Variants in C2CD2 observed in about 807,000 individuals in gnomAD.
C2CD2 encodes C2 domain-containing protein 2.
C2CD2 carries 43 observed loss-of-function variants against 74.3 expected under a neutral mutation model. The observed-to-expected ratio is 0.58, with a 90% CI of 0.45 to 0.75. C2CD2 has a LOEUF of 0.75. Ranked by LOEUF, C2CD2 falls within the 30% of genes least tolerant of loss-of-function variation. The probability of loss-of-function intolerance (pLI) is 0.00; values close to 1 mark genes in which losing one functional copy is unlikely to be tolerated. For synonymous variants in C2CD2, 422 were observed against 390.7 expected (o/e 1.08, Z -0.94); for missense variants, 801 against 916.3 (o/e 0.87, Z 1.63).
At chr21:41,893,740 C>T (rs1256369357) in intron 13 of C2CD2, among the ~76,000 whole-genome samples, 2 of 135,294 alleles carry the variant, frequency 1.5e-5, no homozygotes, top group African/African-American at 2.8e-5. Context: ...CTCGCTCTGT[C>T]GCCCAGGCTG....
At chr21:41,937,158 C>T (rs1330587367) in intron 2 of C2CD2, among the ~76,000 whole-genome samples, 2 of 149,738 alleles carry the variant, frequency 1.3e-5, no homozygotes, top group Non-Finnish European at 3.0e-5. Context: ...CACTCTGTTA[C>T]CCAGGCTAGA....
Position 41,922,094 on chromosome 21 carries a change from G to A in C2CD2, c.379-9C>T. The A allele has an allele frequency of 6.4e-7, 1 of 1,558,486 alleles. No individual in the cohort carries two copies. Among genetic ancestry groups the A allele is most frequent in the Non-Finnish European group, 8.9e-7 (1 of 1,129,274 alleles). On this transcript the variant is annotated splice_polypyrimidine_tract_variant and intron_variant, in intron 2 of 13. Transcript: ENST00000380486. ...ACGTGACAGACCACCACCTGGAGGA[G>A]GCACAGGTAAGGGAGAAAACTGTAT...
intron 8 of C2CD2, chr21:41,908,530 C>A (rs1390177876): frequency 6.6e-6 from 1 of 152,032 alleles, no homozygotes; most frequent in African/African-American, 2.4e-5. Flanking sequence ...TGTGCAGGTC[C>A]CCGACCTGCG....
chr21:41,912,353 A>C lies in C2CD2; in HGVS notation c.932T>G (p.Met311Arg). The change falls in exon 7 of 14, where the codon ATG becomes AGG. Residue 311 changes from methionine to arginine, a missense_variant. Met to Arg is a moderately conservative substitution (Grantham distance 91). Transcript: ENST00000380486. ...TCACAAGGTGAATTCCTCTTCCCAC[A>C]TGAGGTCCGGAGTGTTTTTCGTCAG... ...STLTKNTPDL[M>R]WEEEFTFELN... The C allele has an allele frequency of 6.2e-7, 1 of 1,611,346 alleles. No individual in the cohort carries two copies. Among genetic ancestry groups the C allele is most frequent in the Non-Finnish European group, 8.5e-7 (1 of 1,178,892 alleles).
In C2CD2 at chr21:41,888,309, T is replaced by G. The variant is rs1381416018; in HGVS notation, c.*815A>C. ...ATCTGACAGGCCCGCTGTGCTCTTG[T>G]TTAGCAAGTATGACAGGCAGGAAAA... On this transcript the variant is annotated 3_prime_UTR_variant, in exon 14 of 14. Coordinates refer to ENST00000380486, the MANE Select transcript of C2CD2 (RefSeq NM_015500.2). 1 of 152,610 alleles carries G rather than the reference T, an allele frequency of 6.6e-6. No individual in the cohort carries two copies. Among genetic ancestry groups the G allele is most frequent in the Non-Finnish European group, 1.5e-5 (1 of 68,024 alleles). 9.5% of individuals were successfully genotyped at this position (152,610 alleles called of 1,614,324 possible). A position where few individuals can be genotyped will look rare whatever the true frequency, so the allele number is the denominator to read the frequency against.
rs1226387008 is a variant in C2CD2 at position 41,914,579 on chromosome 21, G to A, written c.844+19C>T. On this transcript the variant is annotated intron_variant, in intron 6 of 13. Transcript: ENST00000380486. ...CTGGAAGAGCCCCTCCAGGCAGGCA[G>A]GCTCCCATCGTCACCCACCTGAGGC... The A allele has an allele frequency of 1.9e-6, 3 of 1,611,106 alleles. No homozygotes were observed. The African/African-American group carries it at 4.0e-5, about 22-fold the overall frequency.
Position 41,953,660 on chromosome 21 carries a change from G to A in C2CD2, c.-12C>T. ...CGGGCCATGGCCATGGCGCATCCCC[G>A]GCCCGCCTCGCCCCAACTTCCCCGG... On this transcript the variant is annotated 5_prime_UTR_variant, in exon 1 of 14. Coordinates refer to ENST00000380486, the MANE Select transcript of C2CD2 (RefSeq NM_015500.2). 1.4e-6 allele frequency: 2 copies of A among 1,405,482 alleles called. No individual in the cohort carries two copies. The highest frequency in any genetic ancestry group is 1.5e-5 in the South Asian group (1 of 67,026). 87.1% of individuals were successfully genotyped at this position (1,405,482 alleles called of 1,614,324 possible). A position where few individuals can be genotyped will look rare whatever the true frequency, so the allele number is the denominator to read the frequency against.
rs867960158 is a variant in C2CD2 at position 41,939,083 on chromosome 21, C to T, written c.378+3064G>A. 1.3e-5 allele frequency among the ~76,000 whole-genome samples: 2 copies of T among 152,122 alleles called. No individual in the cohort carries two copies. The highest frequency in any genetic ancestry group is 4.8e-5 in the African/African-American group (2 of 41,434). ...TCTATGGCTGAATTCTATTCCACCG[C>T]GTGGACGAGCCACAGTTTATTGATC... is the stretch of plus-strand genomic sequence containing the variant. On this transcript the variant is annotated intron_variant, in intron 2 of 13. Coordinates refer to ENST00000380486, the MANE Select transcript of C2CD2 (RefSeq NM_015500.2). The surrounding 1 kb of genome is among the most constrained non-coding windows in gnomAD (Gnocchi z 5.5).
In C2CD2 at chr21:41,919,018, G is replaced by A. The variant is rs139301269; in HGVS notation, c.493-58C>T. 91 of 1,229,920 alleles carry A rather than the reference G, an allele frequency of 7.4e-5. 1 individual carries two copies. In the South Asian group the frequency reaches 9.0e-4, roughly 12 times the overall value. The allele number at this position is 1,229,920 out of a possible 1,614,324, so 76.2% of individuals were successfully genotyped here. A position where few individuals can be genotyped will look rare whatever the true frequency, so the allele number is the denominator to read the frequency against. ...TTTCCACCAAAGCCTTAATGTGCACGTGCGTGTGCATGTGACTGTGTGAGC... is the reference window on the plus strand; with the variant it reads ...TTTCCACCAAAGCCTTAATGTGCACATGCGTGTGCATGTGACTGTGTGAGC... On this transcript the variant is annotated intron_variant, in intron 3 of 13. Transcript: ENST00000380486.
At chr21:41,938,965 A>G (rs1328451777) in intron 2 of C2CD2, among the ~76,000 whole-genome samples, 1 of 152,032 alleles carries the variant, frequency 6.6e-6, no homozygotes, top group African/African-American at 2.4e-5. Flanking sequence ...GCTGGTCTCG[A>G]ACTCCTGACC....
At chr21:41,933,749 C>G (rs552035006) in intron 2 of C2CD2, among the ~76,000 whole-genome samples, 17 of 152,342 alleles carry the variant, frequency 1.1e-4, no homozygotes, top group Non-Finnish European at 2.4e-4. Context: ...CCAGGCTCCT[C>G]CTCCCGCACT....
chr21:41,942,603 T>A (rs922963337), intron 1 of C2CD2, among the ~76,000 whole-genome samples: 3 of 152,168 alleles, frequency 2.0e-5, no homozygotes, highest in Admixed American at 6.5e-5. Context: ...TTCGTGCAAA[T>A]CAGAGGATCT....
intron 5 of C2CD2, among the ~76,000 whole-genome samples, chr21:41,917,171 C>T (rs1395009734): frequency 1.3e-5 from 2 of 152,170 alleles, no homozygotes; most frequent in Non-Finnish European, 2.9e-5. Flanking sequence ...CTTGTGACCC[C>T]CATAGCCAGG....
At position 41,939,394 on chromosome 21, in the gene C2CD2, T is replaced by C. The variant is rs1226565005; in HGVS notation, c.378+2753A>G. On this transcript the variant is annotated intron_variant, in intron 2 of 13. Coordinates refer to ENST00000380486, the MANE Select transcript of C2CD2 (RefSeq NM_015500.2). The surrounding 1 kb of genome is among the most constrained non-coding windows in gnomAD (Gnocchi z 5.5). ...TCCCTGTCCAGACCAGCCCTGAACA[T>C]TCCACTCCTCTCTGAACTGGGAAAG... Among the ~76,000 whole-genome samples, 3 of 152,144 alleles carry C rather than the reference T, an allele frequency of 2.0e-5. No homozygotes were observed. Among genetic ancestry groups the C allele is most frequent in the Non-Finnish European group, 4.4e-5 (3 of 68,018 alleles).
chr21:41,894,122 T>C (rs957863524), intron 13 of C2CD2, among the ~76,000 whole-genome samples: 2 of 152,198 alleles, frequency 1.3e-5, no homozygotes, highest in South Asian at 4.1e-4. Context: ...ACCTGATAAT[T>C]TGTCACAGCT....
rs890590680 is a variant in C2CD2, at chr21:41,924,152, A to G, written c.379-2067T>C. ...ACCAAATGGAAAGATTATCAAAATA[A>G]TTACTCAGTCAGGGCCTGCTATTCC... On this transcript the variant is annotated intron_variant, in intron 2 of 13. Coordinates refer to ENST00000380486, the MANE Select transcript of C2CD2 (RefSeq NM_015500.2). The surrounding 1 kb of genome is among the most constrained non-coding windows in gnomAD (Gnocchi z 4.4). Among the ~76,000 whole-genome samples, 3 of 152,206 alleles carry G rather than the reference A, an allele frequency of 2.0e-5. No homozygotes were observed. Among genetic ancestry groups the G allele is most frequent in the Admixed American group, 2.0e-4 (3 of 15,284 alleles).
chr21:41,940,271 T>C (rs1287201758), intron 2 of C2CD2, among the ~76,000 whole-genome samples: 1 of 152,174 alleles, frequency 6.6e-6, no homozygotes, highest in Non-Finnish European at 1.5e-5. Context: ...TGAATTATAG[T>C]TGAAGCAAAA....
chr21:41,898,715 G>GCT lies in C2CD2; in HGVS notation c.1870+336_1870+337dup, dbSNP rs540049704. ...GGAGCCCCAGGCTCTGCCTGGCTTT[G>GCT]CTCTGAGTCTCTGCAGCCCATCATT... On this transcript the variant is annotated intron_variant, in intron 13 of 13. Coordinates refer to ENST00000380486, the MANE Select transcript of C2CD2 (RefSeq NM_015500.2). 1.4e-4 allele frequency among the ~76,000 whole-genome samples: 22 copies of GCT among 152,318 alleles called. No individual in the cohort carries two copies. In the South Asian group the frequency reaches 4.6e-3, roughly 32 times the overall value.
At chr21:41,902,793 CAA>C (rs11284396) in intron 11 of C2CD2, among the ~76,000 whole-genome samples, 2 of 145,698 alleles carry the variant, frequency 1.4e-5, no homozygotes, top group Non-Finnish European at 3.0e-5. Flanking sequence ...GCACAGAGAA[CAA>C]AAAAAAAAAT....
Sources: allele counts gnomAD v4.1 joint callset (sites outside exome capture counted in the v4.1 genomes callset), GRCh38; gene constraint gnomAD v4.1.1; non-coding constraint Gnocchi (gnomAD v3.1); transcripts MANE v1.5; gene names NCBI Gene and HGNC (gene_info 2026-07-23, HGNC 2026-07-21).